PRKAR2A: variants seen among roughly 807,000 people sequenced by gnomAD.
PRKAR2A encodes the protein protein kinase cAMP-dependent type II regulatory subunit alpha.
A neutral mutation model predicts 51.9 loss-of-function variants in PRKAR2A; 29 were observed. That is an observed-to-expected ratio of 0.56 (90% CI 0.42 to 0.76). PRKAR2A has a LOEUF of 0.76. PRKAR2A is among the 30% of genes least tolerant of loss of function. The pLI is 0.00. For missense variants in PRKAR2A, 445 were observed against 512.1 expected (o/e 0.87, Z 1.26); for synonymous variants, 178 against 186.2 (o/e 0.96, Z 0.36).
At chr3:48,832,360 G>C (rs577184879) in intron 1 of PRKAR2A, among the ~76,000 whole-genome samples, 4 of 150,494 alleles carry the variant, frequency 2.7e-5, no homozygotes, top group African/African-American at 9.8e-5. Flanking sequence ...ATCTGGGCTT[G>C]GACCAAGAAA....
rs11706166 is a variant in PRKAR2A, at chr3:48,753,714, C to G, written c.940-1397G>C. 7.5e-3 allele frequency among the ~76,000 whole-genome samples: 1,149 copies of G among 152,240 alleles called. 7 individuals are homozygous for G. The highest frequency in any genetic ancestry group is 0.012 in the Non-Finnish European group (813 of 68,020). ...CTGATTCAGTAAATCTGGGGAAAAG[C>G]CAGGACTCTGAACTTCTGACAAACC... On this transcript the variant is annotated intron_variant, in intron 9 of 10. Coordinates refer to ENST00000265563, the MANE Select transcript of PRKAR2A (RefSeq NM_004157.4).
rs1293613788 is a variant in PRKAR2A at position 48,820,670 on chromosome 3, C to CCAGG, written c.263-12990_263-12987dup. Among the ~76,000 whole-genome samples the CCAGG allele has an allele frequency of 1.2e-4, 18 of 152,084 alleles. 1 individual carries two copies. The highest frequency in any genetic ancestry group is 2.5e-4 in the Non-Finnish European group (17 of 68,032). On this transcript the variant is annotated intron_variant, in intron 1 of 10. Coordinates refer to ENST00000265563, the MANE Select transcript of PRKAR2A (RefSeq NM_004157.4). Reference sequence around the variant, plus strand: ...TGCCTCACTTTCCTCATCTATAAAACCAGGATAATAATAGCACCTACCTCA... The same window carrying CCAGG: ...TGCCTCACTTTCCTCATCTATAAAACCAGGCAGGATAATAATAGCACCTACCTCA...
At position 48,749,887 on chromosome 3, in the gene PRKAR2A, T is replaced by C. The variant is rs1165487685; in HGVS notation, c.*1698A>G. On this transcript the variant is annotated 3_prime_UTR_variant, in exon 11 of 11. Coordinates refer to ENST00000265563, the MANE Select transcript of PRKAR2A (RefSeq NM_004157.4). Reference sequence around the variant, plus strand: ...AAGTGAAATTACCTAAAGAATAATTTTTTTTCTTTCTTTTTTTTTTTTTAA... The same window carrying C: ...AAGTGAAATTACCTAAAGAATAATTCTTTTTCTTTCTTTTTTTTTTTTTAA... The C allele has an allele frequency of 6.6e-6, 1 of 152,048 alleles. No individual in the cohort carries two copies. The highest frequency in any genetic ancestry group is 1.5e-5 in the Non-Finnish European group (1 of 68,046). 9.4% of individuals were successfully genotyped at this position (152,048 alleles called of 1,614,324 possible). A position where few individuals can be genotyped will look rare whatever the true frequency, so the allele number is the denominator to read the frequency against.
chr3:48,752,528 G>A (rs111486899), intron 9 of PRKAR2A, among the ~76,000 whole-genome samples: 1 of 152,046 alleles, frequency 6.6e-6, no homozygotes, highest in Non-Finnish European at 1.5e-5. Context: ...CCTAGAGCTC[G>A]GAGTCCTAAC....
Position 48,794,063 on chromosome 3 carries a change from G to A in PRKAR2A, c.299-14C>T, listed in dbSNP as rs2082446752. ...TCTCAGCACAGACTAAAATTGGAGA[G>A]AAAAAAACAAAAAGAATGAATTTAA... is the stretch of plus-strand genomic sequence containing the variant. On this transcript the variant is annotated splice_polypyrimidine_tract_variant and intron_variant, in intron 2 of 10. Coordinates refer to ENST00000265563, the MANE Select transcript of PRKAR2A (RefSeq NM_004157.4). The A allele has an allele frequency of 1.3e-6, 2 of 1,573,980 alleles. No homozygotes were observed. Among genetic ancestry groups the A allele is most frequent in the East Asian group, 2.2e-5 (1 of 44,458 alleles).
chr3:48,791,538 G>C (rs1224607940), intron 3 of PRKAR2A, among the ~76,000 whole-genome samples: 4 of 135,106 alleles, frequency 3.0e-5, no homozygotes, highest in African/African-American at 1.1e-4. Flanking sequence ...AGGTTGCTGT[G>C]AGCCAAGATC....
At chr3:48,822,496 C>A (rs369469715) in intron 1 of PRKAR2A, among the ~76,000 whole-genome samples, 11 of 151,796 alleles carry the variant, frequency 7.2e-5, no homozygotes, top group African/African-American at 2.7e-4. Flanking sequence ...GTAACTGATG[C>A]CAAAAGAAAA....
chr3:48,845,995 G>A (rs1349344287), intron 1 of PRKAR2A, among the ~76,000 whole-genome samples: 2 of 151,820 alleles, frequency 1.3e-5, no homozygotes, highest in Non-Finnish European at 2.9e-5. Context: ...TCTGTGAGGG[G>A]AGGGACAGTC....
At chr3:48,841,631 A>G (rs1253827502) in intron 1 of PRKAR2A, among the ~76,000 whole-genome samples, 1 of 151,648 alleles carries the variant, frequency 6.6e-6, no homozygotes, top group East Asian at 1.9e-4. Context: ...ATGTTTAACT[A>G]CTTTTTGAGG....
chr3:48,806,839 T>C (rs1301870054), intron 2 of PRKAR2A, among the ~76,000 whole-genome samples: 3 of 152,030 alleles, frequency 2.0e-5, no homozygotes, highest in East Asian at 3.9e-4. Context: ...TAGCGTGATC[T>C]TGGCTCACTG....
Position 48,751,608 on chromosome 3 carries a change from C to T in PRKAR2A, c.1192G>A (p.Asp398Asn). 2 of 1,612,962 alleles carry T rather than the reference C, an allele frequency of 1.2e-6. No homozygotes were observed. The highest frequency in any genetic ancestry group is 1.7e-6 in the Non-Finnish European group (2 of 1,179,420). ...QLVKMFGSSVDLGNLGQ is the reference protein window; with the variant it reads ...QLVKMFGSSVNLGNLGQ ...ACCTACTGCCCGAGGTTGCCCAGAT[C>T]CACGCTGGAGCCAAACATCTTCACC... The change falls in exon 11 of 11, where the codon GAT (aspartate) becomes AAT (asparagine). Residue 398 changes from aspartate to asparagine, a missense_variant. Asp to Asn is a conservative substitution (Grantham distance 23, BLOSUM62 1). Transcript: ENST00000265563.
Position 48,783,112 on chromosome 3 carries a change from A to G in PRKAR2A, c.436-20T>C, listed in dbSNP as rs187242176. On this transcript the variant is annotated intron_variant, in intron 4 of 10. Transcript: ENST00000265563. The stretch of plus-strand genomic sequence containing the variant: ...CTGTTCCTGCAGGGTATGCACAAGA[A>G]GAAAAAAATAGCCTTTACATATGCT... 1.9e-5 allele frequency: 28 copies of G among 1,500,582 alleles called. No homozygotes were observed. The East Asian group carries it at 5.4e-4, about 29-fold the overall frequency. The allele number at this position is 1,500,582 out of a possible 1,614,324, so 93.0% of individuals were successfully genotyped here. A position where few individuals can be genotyped will look rare whatever the true frequency, so the allele number is the denominator to read the frequency against.
intron 3 of PRKAR2A, among the ~76,000 whole-genome samples, chr3:48,791,459 T>A: frequency 6.7e-6 from 1 of 149,724 alleles, no homozygotes. Context: ...CTGGGCATGG[T>A]GGCGCATGCC....
intron 1 of PRKAR2A, among the ~76,000 whole-genome samples, chr3:48,809,758 G>C (rs1575913498): frequency 6.6e-6 from 1 of 152,026 alleles, no homozygotes; most frequent in South Asian, 2.1e-4. Context: ...TAAGGGTGCT[G>C]TCATAAATTC....
At chr3:48,757,154 G>T (rs1381297887) in intron 8 of PRKAR2A, among the ~76,000 whole-genome samples, 1 of 152,190 alleles carries the variant, frequency 6.6e-6, no homozygotes, top group Non-Finnish European at 1.5e-5. Context: ...CACAAAGAGG[G>T]AGAGGTACTT....
At chr3:48,834,384 C>G (rs2083245648) in intron 1 of PRKAR2A, among the ~76,000 whole-genome samples, 1 of 151,904 alleles carries the variant, frequency 6.6e-6, no homozygotes, top group Non-Finnish European at 1.5e-5. Flanking sequence ...CAATAACAAA[C>G]AAAAAAGAGC....
At chr3:48,759,756 A>C (rs2081835853) in intron 8 of PRKAR2A, among the ~76,000 whole-genome samples, 1 of 152,194 alleles carries the variant, frequency 6.6e-6, no homozygotes, top group Admixed American at 6.5e-5. Context: ...ATTCCATTCT[A>C]CATTCAACAG....
intron 5 of PRKAR2A, among the ~76,000 whole-genome samples, chr3:48,782,210 G>A (rs2082208804): frequency 6.6e-6 from 1 of 152,216 alleles, no homozygotes; most frequent in African/African-American, 2.4e-5. Context: ...ACACAGTAGG[G>A]TGAGCAGGTC....
At chr3:48,837,565 C>G (rs543368334) in intron 1 of PRKAR2A, among the ~76,000 whole-genome samples, 10 of 152,230 alleles carry the variant, frequency 6.6e-5, no homozygotes, top group African/African-American at 2.4e-4. Context: ...TTAAACAGAG[C>G]TACTATATGG....
Sources: gnomAD v4.1 joint callset for allele counts (sites outside exome capture counted in the v4.1 genomes callset) on GRCh38, gnomAD v4.1.1 for gene constraint, MANE v1.5 for transcripts, NCBI Gene and HGNC (gene_info 2026-07-23, HGNC 2026-07-21) for gene names.